The following SORCS3 variants were observed in gnomAD, a reference collection of about 807,000 sequenced individuals.
The protein encoded by SORCS3 is VPS10 domain-containing receptor SorCS3.
A neutral mutation model predicts 146.3 loss-of-function variants in SORCS3; 57 were observed. That is an observed-to-expected ratio of 0.39 (90% CI 0.31 to 0.49). The LOEUF is 0.49. Among genes scored for constraint, SORCS3 ranks in the 20% least tolerant of loss-of-function variants. The pLI is 0.92. For missense variants in SORCS3, 1,341 were observed against 1,575.5 expected, an observed-to-expected ratio of 0.85 and a Z score of 2.52; for synonymous variants, 653 against 618.5, an observed-to-expected ratio of 1.06 and a Z score of -0.83.
intron 1 of SORCS3, among the ~76,000 whole-genome samples, chr10:104,656,622 C>A (rs112766940): frequency 6.6e-6 from 1 of 151,848 alleles, no homozygotes; most frequent in Non-Finnish European, 1.5e-5. Flanking sequence ...TGTGATCATG[C>A]CACTGCACTC....
intron 6 of SORCS3, 112 bp downstream of exon 6, chr10:105,089,951 A>G: frequency 3.8e-6 from 3 of 790,116 alleles, no homozygotes; most frequent in Non-Finnish European, 6.5e-6. Flanking sequence ...GAGCTCCATT[A>G]CAGCCACATC....
At chr10:104,689,288 C>G (rs2016085666) in intron 1 of SORCS3, among the ~76,000 whole-genome samples, 1 of 152,222 alleles carries the variant, frequency 6.6e-6, no homozygotes, top group Non-Finnish European at 1.5e-5. Flanking sequence ...TCAGATACCT[C>G]TTCCTCCAGG....
chr10:104,680,754 C>A (rs1481300521), intron 1 of SORCS3, among the ~76,000 whole-genome samples: 2 of 152,268 alleles, frequency 1.3e-5, no homozygotes, highest in Non-Finnish European at 2.9e-5. Flanking sequence ...TGGCCCATGA[C>A]TTCCAGGTTC....
intron 5 of SORCS3, among the ~76,000 whole-genome samples, chr10:105,063,931 G>A (rs895589371): frequency 6.6e-6 from 1 of 152,248 alleles, no homozygotes; most frequent in African/African-American, 2.4e-5. Flanking sequence ...GCTCTGCGGT[G>A]TTCCTGTAGT....
intron 8 of SORCS3, among the ~76,000 whole-genome samples, chr10:105,140,461 A>G (rs1469155882): frequency 6.6e-6 from 1 of 152,144 alleles, no homozygotes. Flanking sequence ...CATGGATGTT[A>G]TGTTCTGGAA....
Position 105,201,170 on chromosome 10 carries a change from A to G in SORCS3, c.2178A>G (p.Pro726=). 6.2e-7 allele frequency: 1 copy of G among 1,613,124 alleles called. No homozygotes were observed. The highest frequency in any genetic ancestry group is 1.1e-5 in the South Asian group (1 of 90,798). The stretch of plus-strand genomic sequence containing the variant: ...GGAAAATATTCAAGAAACGTAAGCC[A>G]GGAGCTCAGTGTGCCCTGGGCCGAG... ...GERKIFKKRK[P]GAQCALGRDH... The change falls in exon 16 of 27, where the codon CCA becomes CCG. Residue 726 remains proline, a synonymous_variant. Transcript: ENST00000369701.
Position 105,200,111 on chromosome 10 carries a change from A to G in SORCS3, c.2122A>G (p.Asn708Asp). ...KEDYQTWHLLNQGEPCVMGER... is the reference protein window; with the variant it reads ...KEDYQTWHLLDQGEPCVMGER... Reference sequence around the variant, plus strand: ...GGACTATCAGACCTGGCACCTGCTCAATCAGGTACACACCCCAGGGAGTTG... The same window carrying G: ...GGACTATCAGACCTGGCACCTGCTCGATCAGGTACACACCCCAGGGAGTTG... The change falls in exon 15 of 27, where the codon AAT (asparagine) becomes GAT (aspartate). Residue 708 changes from asparagine (N) to aspartate (D), a missense_variant. Coordinates refer to ENST00000369701, the MANE Select transcript of SORCS3 (RefSeq NM_014978.3). The G allele has an allele frequency of 6.2e-7, 1 of 1,611,508 alleles. No individual in the cohort carries two copies. Among genetic ancestry groups the G allele is most frequent in the Non-Finnish European group, 8.5e-7 (1 of 1,177,856 alleles).
chr10:104,704,573 G>A (rs2016315517), intron 1 of SORCS3, among the ~76,000 whole-genome samples: 1 of 152,110 alleles, frequency 6.6e-6, no homozygotes, highest in South Asian at 2.1e-4. Flanking sequence ...GGGTAAAGGG[G>A]TCAACAAATT....
rs560133771 is a variant in SORCS3, at chr10:105,069,627, A to G, written c.1029-20148A>G. Among the ~76,000 whole-genome samples, 6 of 152,284 alleles carry G rather than the reference A, an allele frequency of 3.9e-5. No individual in the cohort carries two copies. The South Asian group carries it at 1.2e-3, about 32-fold the overall frequency. Reference sequence around the variant, plus strand: ...GCCACGCTCAGCTGGAGTCAACTTCACTTTGCATCTTTCTGAAGCATCTAA... The same window carrying G: ...GCCACGCTCAGCTGGAGTCAACTTCGCTTTGCATCTTTCTGAAGCATCTAA... On this transcript the variant is annotated intron_variant, in intron 5 of 26. Transcript: ENST00000369701.
chr10:104,643,575 G>C (rs1377149130), intron 1 of SORCS3, among the ~76,000 whole-genome samples: 1 of 152,198 alleles, frequency 6.6e-6, no homozygotes, highest in Non-Finnish European at 1.5e-5. Flanking sequence ...GCAGGGCTGG[G>C]TGATTGAAGA....
At chr10:104,987,091 T>A (rs1416010841) in intron 4 of SORCS3, among the ~76,000 whole-genome samples, 1 of 151,900 alleles carries the variant, frequency 6.6e-6, no homozygotes, top group African/African-American at 2.4e-5. Flanking sequence ...TATATAAATA[T>A]ATACAACTGC....
intron 2 of SORCS3, among the ~76,000 whole-genome samples, chr10:104,897,570 G>A (rs1172297315): frequency 1.3e-5 from 2 of 152,166 alleles, no homozygotes; most frequent in Non-Finnish European, 1.5e-5. Context: ...AAAGCTGTAT[G>A]TTCATCTAAG....
chr10:104,963,438 T>C (rs1328045306), intron 3 of SORCS3, among the ~76,000 whole-genome samples: 1 of 152,186 alleles, frequency 6.6e-6, no homozygotes, highest in East Asian at 1.9e-4. Context: ...ATATACTTTC[T>C]TTCCTTGATT....
intron 5 of SORCS3, among the ~76,000 whole-genome samples, chr10:105,077,920 G>T (rs2055599257): frequency 6.6e-6 from 1 of 152,182 alleles, no homozygotes; most frequent in Non-Finnish European, 1.5e-5. Context: ...ACAGAGGCAG[G>T]GGGAATATCT....
chr10:104,671,750 G>A (rs377413296), intron 1 of SORCS3, among the ~76,000 whole-genome samples: 235 of 151,776 alleles, frequency 1.5e-3, no homozygotes, highest in South Asian at 9.6e-3. Flanking sequence ...GTTTTTTTCC[G>A]TTTCATTCTG....
At chr10:104,732,221 G>C (rs971109974) in intron 1 of SORCS3, among the ~76,000 whole-genome samples, 1 of 152,144 alleles carries the variant, frequency 6.6e-6, no homozygotes, top group African/African-American at 2.4e-5. Context: ...CATGTGCAAA[G>C]TAAGCAAGAA....
chr10:104,779,208 G>A (rs1158888047), intron 1 of SORCS3, among the ~76,000 whole-genome samples: 2 of 152,320 alleles, frequency 1.3e-5, no homozygotes, highest in Middle Eastern at 3.4e-3. Flanking sequence ...TTAGTTCTCT[G>A]CAAGACCCAT....
chr10:105,177,479 T>C (rs537044932), intron 13 of SORCS3, among the ~76,000 whole-genome samples: 1 of 152,222 alleles, frequency 6.6e-6, no homozygotes, highest in East Asian at 1.9e-4. Context: ...GCAGGTTCTG[T>C]TTCCACAAGG....
chr10:105,024,209 C>G (rs1266081505), intron 4 of SORCS3, among the ~76,000 whole-genome samples: 1 of 152,192 alleles, frequency 6.6e-6, no homozygotes, highest in Admixed American at 6.5e-5. Context: ...TTCAATAACA[C>G]AAAAGTAAAC....
Sources: allele counts gnomAD v4.1 joint callset (sites outside exome capture counted in the v4.1 genomes callset), GRCh38; gene constraint gnomAD v4.1.1; transcripts MANE v1.5; gene names NCBI Gene and HGNC (gene_info 2026-07-23, HGNC 2026-07-21).